Variants in LATS2 observed in about 807,000 individuals in gnomAD.
The protein encoded by LATS2 is large tumor suppressor kinase 2, also known as serine/threonine-protein kinase LATS2.
In LATS2, 24 loss-of-function variants were observed where a neutral mutation model predicts 76.0. The ratio of observed to expected loss-of-function variants is 0.32; its 90% CI spans 0.23 to 0.44. The LOEUF (loss-of-function observed/expected upper bound fraction) is 0.44. Among genes scored for constraint, LATS2 ranks in the 20% least tolerant of loss-of-function variants. The pLI, the probability that LATS2 is intolerant of heterozygous loss-of-function variation, is 1.00. For synonymous variants in LATS2, 692 were observed against 635.4 expected (o/e 1.09, Z -1.34); for missense variants, 1,286 against 1,481.2 (o/e 0.87, Z 2.16).
chr13:21,011,917 A>C (rs962472641), intron 2 of LATS2, among the ~76,000 whole-genome samples: 1 of 152,218 alleles, frequency 6.6e-6, no homozygotes, highest in Non-Finnish European at 1.5e-5. Context: ...ACTTAACATC[A>C]TCATTATGTT....
chr13:20,981,995 G>A (rs1170831202), intron 5 of LATS2, among the ~76,000 whole-genome samples: 2 of 152,192 alleles, frequency 1.3e-5, no homozygotes, highest in African/African-American at 4.8e-5. Flanking sequence ...TAATCAAAAG[G>A]TAACAACTGC....
rs746080359 is a variant in LATS2 at position 20,989,000 on chromosome 13, C to A, written c.780G>T (p.Val260=). 11 of 1,546,982 alleles carry A rather than the reference C, an allele frequency of 7.1e-6. No individual in the cohort carries two copies. The African/African-American group carries it at 1.5e-4, about 21-fold the overall frequency. The part of the protein sequence containing the change: ...GAHYGRPHLL[V]PGEPLGYGVQ... The stretch of plus-strand genomic sequence containing the variant: ...CTCCGTAGCCCAGGGGTTCCCCAGG[C>A]ACCAGCAGGTGCGGCCGCCCGTAGT... The change falls in exon 4 of 8, where the codon GTG becomes GTT. Residue 260 remains valine, a synonymous_variant. Transcript: ENST00000382592.
chr13:21,056,984 G>C (rs140681263), intron 1 of LATS2, among the ~76,000 whole-genome samples: 2 of 152,186 alleles, frequency 1.3e-5, no homozygotes, highest in Non-Finnish European at 2.9e-5. Context: ...TGCAGGTGTC[G>C]TCCGGGTACA....
At chr13:20,982,719 C>T (rs976409829) in intron 5 of LATS2, among the ~76,000 whole-genome samples, 3 of 151,760 alleles carry the variant, frequency 2.0e-5, no homozygotes, top group African/African-American at 4.8e-5. Flanking sequence ...AGGCCAGGCA[C>T]GGTGGCTCAC....
chr13:21,060,754 C>CG (rs1873612637), intron 1 of LATS2, among the ~76,000 whole-genome samples: 1 of 151,184 alleles, frequency 6.6e-6, no homozygotes, highest in South Asian at 2.1e-4. Flanking sequence ...GGGCGGCCGG[C>CG]GGGGGCCAAC....
intron 2 of LATS2, among the ~76,000 whole-genome samples, chr13:21,022,206 A>G (rs1356932753): frequency 6.6e-6 from 1 of 151,762 alleles, no homozygotes; most frequent in East Asian, 1.9e-4. Context: ...GCAACTACGT[A>G]AGTGTGTGAA....
At chr13:21,030,591 C>CAAAAAAAAAAA (rs374884189) in intron 2 of LATS2, among the ~76,000 whole-genome samples, 5 of 25,656 alleles carry the variant, frequency 1.9e-4, no homozygotes, top group African/African-American at 4.1e-4. Flanking sequence ...GACTCCGTCT[C>CAAAAAAAAAAA]AAAAAAAAAA....
At chr13:21,059,598 AAACAAC>A (rs545362575) in intron 1 of LATS2, among the ~76,000 whole-genome samples, 8 of 151,322 alleles carry the variant, frequency 5.3e-5, no homozygotes, top group South Asian at 2.1e-4. Context: ...ACGTCTCAAA[AAACAAC>A]AACAACAACA....
At chr13:21,038,111 CCGAAA>C (rs1415541606) in intron 2 of LATS2, among the ~76,000 whole-genome samples, 2 of 151,994 alleles carry the variant, frequency 1.3e-5, no homozygotes, top group Non-Finnish European at 2.9e-5. Flanking sequence ...GTCTCAAAAA[CCGAAA>C]CAAAACAAAT....
chr13:21,056,517 G>A (rs1256310173), intron 1 of LATS2, among the ~76,000 whole-genome samples: 4 of 152,196 alleles, frequency 2.6e-5, no homozygotes, highest in Non-Finnish European at 2.9e-5. Flanking sequence ...CCAAGTTGCA[G>A]ATACATTATT....
chr13:21,023,957 G>T (rs934064843), intron 2 of LATS2, among the ~76,000 whole-genome samples: 3 of 151,172 alleles, frequency 2.0e-5, no homozygotes, highest in Non-Finnish European at 4.4e-5. Flanking sequence ...TGGGCAACAA[G>T]AGTGAAACTC....
intron 2 of LATS2, among the ~76,000 whole-genome samples, chr13:21,014,734 C>T (rs1215137387): frequency 6.6e-6 from 1 of 152,138 alleles, no homozygotes; most frequent in Non-Finnish European, 1.5e-5. Context: ...ATCACAGGGT[C>T]AAGGAAAGAA....
intron 2 of LATS2, among the ~76,000 whole-genome samples, chr13:21,024,862 T>C (rs761060096): frequency 2.0e-5 from 3 of 152,278 alleles, no homozygotes; most frequent in South Asian, 2.1e-4. Context: ...CACACCTCAA[T>C]TGAGATGAGC....
intron 6 of LATS2, 43 bp from the exon 7 acceptor site, chr13:20,979,840 C>A (rs768267604): frequency 5.5e-6 from 6 of 1,094,688 alleles, no homozygotes; most frequent in Non-Finnish European, 8.3e-6. Flanking sequence ...GGCATGAATT[C>A]TCCTCCGAGG....
rs1439905339 is a variant in LATS2, at chr13:20,974,812, AC to A, written c.*57del. The A allele has an allele frequency of 2.6e-5, 40 of 1,535,684 alleles. No individual in the cohort carries two copies. The highest frequency in any genetic ancestry group is 4.1e-5 in the Admixed American group (2 of 48,886). Reference sequence around the variant, plus strand: ...GGCTTCCCTATTGGCCTGTGAGGGCACCGGCTCCGGGACCCTGACCTGGGAG... The same window carrying A: ...GGCTTCCCTATTGGCCTGTGAGGGCACGGCTCCGGGACCCTGACCTGGGAG... On this transcript the variant is annotated 3_prime_UTR_variant, in exon 8 of 8. Transcript: ENST00000382592.
At chr13:21,001,790 A>G (rs1435744420) in intron 2 of LATS2, among the ~76,000 whole-genome samples, 1 of 151,994 alleles carries the variant, frequency 6.6e-6, no homozygotes, top group Non-Finnish European at 1.5e-5. Context: ...AAGGCAGAAG[A>G]ATTGCTTGAA....
chr13:20,982,342 G>A lies in LATS2; in HGVS notation c.2483-694C>T, dbSNP rs573245172. Among the ~76,000 whole-genome samples, 11 of 152,272 alleles carry A rather than the reference G, an allele frequency of 7.2e-5. No individual in the cohort carries two copies. In the South Asian group the frequency reaches 1.9e-3, roughly 26 times the overall value. ...TTTATTTTATTTGAGACAGAGTTTC[G>A]CTCTTGTTGCCCAGGCTGGGGCGCA... On this transcript the variant is annotated intron_variant, in intron 5 of 7. Coordinates refer to ENST00000382592, the MANE Select transcript of LATS2 (RefSeq NM_014572.3).
intron 4 of LATS2, among the ~76,000 whole-genome samples, chr13:20,985,174 T>C (rs1410702042): frequency 6.6e-5 from 10 of 152,144 alleles, no homozygotes; most frequent in Admixed American, 5.9e-4. Flanking sequence ...GACCAGAGGC[T>C]ATGAAAATAT....
At chr13:21,017,600 C>T (rs766266362) in intron 2 of LATS2, among the ~76,000 whole-genome samples, 7 of 150,162 alleles carry the variant, frequency 4.7e-5, no homozygotes, top group Admixed American at 3.4e-4. Flanking sequence ...CAGTGCCTTC[C>T]CTTCAAAAGA....
Sources: gnomAD v4.1 joint callset for allele counts (sites outside exome capture counted in the v4.1 genomes callset) on GRCh38, gnomAD v4.1.1 for gene constraint, MANE v1.5 for transcripts, NCBI Gene and HGNC (gene_info 2026-07-23, HGNC 2026-07-21) for gene names.